Variants in KCNIP4 observed in about 807,000 individuals in gnomAD.
The protein encoded by KCNIP4 is Kv channel-interacting protein 4.
In KCNIP4, 12 loss-of-function variants were observed where a neutral mutation model predicts 34.0. The ratio of observed to expected loss-of-function variants is 0.35; its 90% confidence interval spans 0.23 to 0.57. The LOEUF is 0.57. KCNIP4 is among the 20% of genes least tolerant of loss of function. KCNIP4 has a pLI of 0.83. For synonymous variants in KCNIP4, 124 were observed against 102.2 expected (o/e 1.21, Z -1.29); for missense variants, 238 against 311.7 (o/e 0.76, Z 1.78).
At chr4:20,945,857 G>A (rs540683983) in intron 1 of KCNIP4, among the ~76,000 whole-genome samples, 5 of 152,298 alleles carry the variant, frequency 3.3e-5, no homozygotes, top group East Asian at 3.9e-4. Flanking sequence ...AGGAGGACAC[G>A]TAACAGGTTA....
intron 1 of KCNIP4, among the ~76,000 whole-genome samples, chr4:21,017,553 G>A (rs193284698): frequency 6.8e-4 from 104 of 152,208 alleles, no homozygotes; most frequent in African/African-American, 2.3e-3. Context: ...AGTATTCCAT[G>A]GTGTGTCTGT....
intron 1 of KCNIP4, among the ~76,000 whole-genome samples, chr4:21,509,177 A>G (rs566611993): frequency 7.6e-4 from 116 of 152,306 alleles, no homozygotes; most frequent in African/African-American, 2.7e-3. Context: ...ACTGGGAAGG[A>G]ATAGAAATAG....
In KCNIP4 at chr4:20,745,296, ATCT is replaced by A. The variant is rs1161570276; in HGVS notation, c.429+4363_429+4365del. On this transcript the variant is annotated intron_variant, in intron 5 of 8. Coordinates refer to ENST00000382152, the MANE Select transcript of KCNIP4 (RefSeq NM_025221.6). Reference sequence around the variant, plus strand: ...ATTCACATGGTGACATCTAATTCACATCTTCTTGAATACTGTATATCCTGAAAC... The same window carrying A: ...ATTCACATGGTGACATCTAATTCACATCTTGAATACTGTATATCCTGAAAC... Among the ~76,000 whole-genome samples the A allele has an allele frequency of 5.3e-5, 8 of 152,304 alleles. No homozygotes were observed. The East Asian group carries it at 1.5e-3, about 29-fold the overall frequency.
chr4:21,919,091 AACTG>A (rs1297047400), intron 1 of KCNIP4, among the ~76,000 whole-genome samples: 2 of 152,312 alleles, frequency 1.3e-5, no homozygotes, highest in South Asian at 2.1e-4. Flanking sequence ...GCTGCCCCAT[AACTG>A]ACTACAGAAT....
At chr4:21,598,667 A>G (rs532218313) in intron 1 of KCNIP4, among the ~76,000 whole-genome samples, 1 of 152,114 alleles carries the variant, frequency 6.6e-6, no homozygotes, top group Admixed American at 6.6e-5. Context: ...TGCTTTATTT[A>G]GACAGTGCTT....
rs1341146794 is a variant in KCNIP4 at position 20,848,298 on chromosome 4, G to C, written c.288+2245C>G. On this transcript the variant is annotated intron_variant, in intron 3 of 8. Coordinates refer to ENST00000382152, the MANE Select transcript of KCNIP4 (RefSeq NM_025221.6). ...AGAAGAGAAAAAAATAGAGGAAGAG[G>C]AGGATGGGGAAGAGCTGAAAGGAGA... is the stretch of plus-strand genomic sequence containing the variant. Among the ~76,000 whole-genome samples, 3 of 151,902 alleles carry C rather than the reference G, an allele frequency of 2.0e-5. No homozygotes were observed. The East Asian group carries it at 5.8e-4, about 29-fold the overall frequency.
intron 1 of KCNIP4, among the ~76,000 whole-genome samples, chr4:21,895,563 TA>T (rs1188846690): frequency 6.6e-6 from 1 of 152,176 alleles, no homozygotes. Context: ...AAGAATTAAA[TA>T]AGTCCACACA....
intron 1 of KCNIP4, among the ~76,000 whole-genome samples, chr4:21,692,827 A>ATTTTTTTTT (rs35231092): frequency 3.4e-5 from 3 of 87,250 alleles, no homozygotes; most frequent in African/African-American, 9.0e-5. Flanking sequence ...AAATCCTGTC[A>ATTTTTTTTT]TTTTTTTTTT....
intron 1 of KCNIP4, among the ~76,000 whole-genome samples, chr4:21,440,643 T>C (rs1727388345): frequency 6.7e-6 from 1 of 150,218 alleles, no homozygotes; most frequent in Non-Finnish European, 1.5e-5. Context: ...AATTACTCTG[T>C]ATTAACACAT....
chr4:20,926,885 A>G (rs926321646), intron 1 of KCNIP4, among the ~76,000 whole-genome samples: 1 of 152,242 alleles, frequency 6.6e-6, no homozygotes, highest in Non-Finnish European at 1.5e-5. Flanking sequence ...TGCACAGCCA[A>G]AAATAAATTT....
chr4:21,401,731 A>T (rs1322195839), intron 1 of KCNIP4, among the ~76,000 whole-genome samples: 1 of 152,182 alleles, frequency 6.6e-6, no homozygotes, highest in Non-Finnish European at 1.5e-5. Context: ...GTGCTAATTC[A>T]TAGCACATTC....
intron 1 of KCNIP4, among the ~76,000 whole-genome samples, chr4:21,774,220 G>A (rs540740845): frequency 2.6e-5 from 4 of 152,016 alleles, no homozygotes; most frequent in South Asian, 2.1e-4. Flanking sequence ...GATATGAAAC[G>A]CCGGGTTGAA....
rs1359925232 is a variant in KCNIP4 at position 21,832,702 on chromosome 4, C to T, written c.61+115869G>A. On this transcript the variant is annotated intron_variant, in intron 1 of 8. Coordinates refer to ENST00000382152, the MANE Select transcript of KCNIP4 (RefSeq NM_025221.6). Reference sequence around the variant, plus strand: ...TGCGCTGCACCCACTAACTCGTCATCTAGCATTAGGTATATCTCCCAATGC... The same window carrying T: ...TGCGCTGCACCCACTAACTCGTCATTTAGCATTAGGTATATCTCCCAATGC... Among the ~76,000 whole-genome samples the T allele has an allele frequency of 3.4e-5, 5 of 146,824 alleles. 1 individual carries two copies. Among genetic ancestry groups the T allele is most frequent in the Non-Finnish European group, 6.0e-5 (4 of 66,894 alleles).
At chr4:21,147,962 A>AAAAAAAAAAAAAAAAAAAAAG (rs1553945858) in intron 1 of KCNIP4, among the ~76,000 whole-genome samples, 4 of 123,866 alleles carry the variant, frequency 3.2e-5, no homozygotes, top group South Asian at 2.8e-4. Context: ...AAAAAAAAAG[A>AAAAAAAAAAAAAAAAAAAAAG]AAAAAAGTTC....
intron 1 of KCNIP4, among the ~76,000 whole-genome samples, chr4:20,951,132 A>G (rs970234699): frequency 3.9e-5 from 6 of 151,960 alleles, no homozygotes; most frequent in Middle Eastern, 6.8e-3. Flanking sequence ...CTCTCTCCCT[A>G]CGCCCTGCCC....
intron 1 of KCNIP4, among the ~76,000 whole-genome samples, chr4:21,654,339 G>A (rs1235664534): frequency 1.3e-5 from 2 of 152,224 alleles, no homozygotes; most frequent in Middle Eastern, 3.4e-3. Context: ...CTGGTGCAAG[G>A]GCATTTAGTC....
chr4:21,286,492 T>C (rs755894707), intron 1 of KCNIP4, among the ~76,000 whole-genome samples: 2 of 152,182 alleles, frequency 1.3e-5, no homozygotes, highest in Non-Finnish European at 2.9e-5. Context: ...TGGAAGTATT[T>C]TCTTTGAAAA....
intron 1 of KCNIP4, among the ~76,000 whole-genome samples, chr4:21,578,260 G>T (rs767403952): frequency 6.8e-6 from 1 of 147,998 alleles, no homozygotes; most frequent in Non-Finnish European, 1.5e-5. Context: ...CTGAACCCGG[G>T]AGGCGGACGT....
chr4:21,056,688 A>C (rs1743438757), intron 1 of KCNIP4, among the ~76,000 whole-genome samples: 1 of 152,190 alleles, frequency 6.6e-6, no homozygotes, highest in Non-Finnish European at 1.5e-5. Context: ...AGATCAATCA[A>C]GAAGGCTATT....
Sources: gnomAD v4.1 joint callset for allele counts (sites outside exome capture counted in the v4.1 genomes callset) on GRCh38, gnomAD v4.1.1 for gene constraint, MANE v1.5 for transcripts, NCBI Gene and HGNC (gene_info 2026-07-23, HGNC 2026-07-21) for gene names.